TMEM163: variants seen among roughly 807,000 people sequenced by gnomAD.
TMEM163 encodes transmembrane protein 163.
In TMEM163, 17 loss-of-function variants were observed where a neutral mutation model predicts 29.3. The ratio of observed to expected loss-of-function variants is 0.58; its 90% confidence interval spans 0.40 to 0.87. The LOEUF (loss-of-function observed/expected upper bound fraction) is 0.87, where lower values mean the gene tolerates loss of function less well. Among genes scored for constraint, TMEM163 ranks in the 40% least tolerant of loss-of-function variants. TMEM163 has a pLI of 0.00. For synonymous variants in TMEM163, 157 were observed against 160.6 expected (o/e 0.98, Z 0.17); for missense variants, 303 against 381.5 (o/e 0.79, Z 1.71).
At chr2:134,510,023 AG>A (rs1679913434) in intron 4 of TMEM163, among the ~76,000 whole-genome samples, 1 of 152,208 alleles carries the variant, frequency 6.6e-6, no homozygotes, top group Non-Finnish European at 1.5e-5. Context: ...ATTTGGCCCC[AG>A]GGGAGCAGCA....
At chr2:134,686,747 C>T (rs1291854337) in intron 2 of TMEM163, among the ~76,000 whole-genome samples, 1 of 152,216 alleles carries the variant, frequency 6.6e-6, no homozygotes, top group Non-Finnish European at 1.5e-5. Flanking sequence ...TTTTACCCTA[C>T]TTGCAAGGTA....
intron 2 of TMEM163, among the ~76,000 whole-genome samples, chr2:134,644,697 T>C (rs997290965): frequency 1.6e-4 from 24 of 152,236 alleles, no homozygotes; most frequent in African/African-American, 5.8e-4. Flanking sequence ...TCCGTTGGGA[T>C]CTGAAGTTAG....
chr2:134,578,911 A>C (rs193072184), intron 2 of TMEM163, among the ~76,000 whole-genome samples: 1 of 152,148 alleles, frequency 6.6e-6, no homozygotes, highest in South Asian at 2.1e-4. Context: ...CCTCCACCCC[A>C]AATTCCCTAC....
At chr2:134,538,677 G>C (rs892184404) in intron 4 of TMEM163, among the ~76,000 whole-genome samples, 1 of 152,322 alleles carries the variant, frequency 6.6e-6, no homozygotes, top group Middle Eastern at 3.4e-3. Flanking sequence ...TGAAGCTGAC[G>C]ACACTATGCT....
chr2:134,554,447 A>G lies in TMEM163; in HGVS notation c.323-2356T>C, dbSNP rs865858026. Among the ~76,000 whole-genome samples, 437 of 147,930 alleles carry G rather than the reference A, an allele frequency of 3.0e-3. 2 individuals are homozygous for G. Among genetic ancestry groups the G allele is most frequent in the African/African-American group, 0.01 (401 of 39,274 alleles). On this transcript the variant is annotated intron_variant, in intron 2 of 7. Transcript: ENST00000281924. ...CAAAAAAAAAAAAAAAAAAAAAAAA[A>G]AGAGAGAGAGAGAAATGCTGCCACC...
chr2:134,644,677 A>T (rs763213935), intron 2 of TMEM163, among the ~76,000 whole-genome samples: 1 of 152,206 alleles, frequency 6.6e-6, no homozygotes, highest in East Asian at 1.9e-4. Context: ...TAGAAAAAAC[A>T]TAGGAGAAAT....
At chr2:134,718,591 C>G in intron 1 of TMEM163, 143 bp downstream of exon 1, 1 of 527,102 alleles carries the variant, frequency 1.9e-6, no homozygotes, top group Non-Finnish European at 2.6e-6. Context: ...TCTCGGCTAG[C>G]GGCGTTCTCG....
chr2:134,465,499 T>C (rs1258025730), intron 6 of TMEM163, among the ~76,000 whole-genome samples: 4 of 152,182 alleles, frequency 2.6e-5, no homozygotes, highest in Non-Finnish European at 5.9e-5. Flanking sequence ...ACATCAGTGA[T>C]ATCAGCGAGT....
At chr2:134,636,416 G>A (rs185523965) in intron 2 of TMEM163, among the ~76,000 whole-genome samples, 8 of 152,278 alleles carry the variant, frequency 5.3e-5, no homozygotes, top group Non-Finnish European at 7.4e-5. Flanking sequence ...AGTATCTTTC[G>A]TTCAATGTCA....
intron 4 of TMEM163, among the ~76,000 whole-genome samples, chr2:134,523,282 G>A (rs537631331): frequency 8.5e-4 from 130 of 152,172 alleles, no homozygotes; most frequent in Admixed American, 1.3e-3. Context: ...ACTGAACTGC[G>A]ACAACACCAC....
intron 2 of TMEM163, among the ~76,000 whole-genome samples, chr2:134,617,526 C>T (rs1202094394): frequency 1.3e-5 from 2 of 151,062 alleles, no homozygotes; most frequent in East Asian, 1.9e-4. Context: ...CACTTGAACT[C>T]GGGCAACAGA....
chr2:134,473,379 T>C (rs1237357988), intron 5 of TMEM163, among the ~76,000 whole-genome samples: 4 of 151,556 alleles, frequency 2.6e-5, no homozygotes, highest in Non-Finnish European at 5.9e-5. Context: ...CTACTAAAAA[T>C]ACAAAATTAG....
intron 2 of TMEM163, among the ~76,000 whole-genome samples, chr2:134,629,648 C>A (rs1375902226): frequency 6.6e-6 from 1 of 152,174 alleles, no homozygotes; most frequent in Non-Finnish European, 1.5e-5. Context: ...AATCTCTGCC[C>A]AAACTCTAGG....
intron 2 of TMEM163, among the ~76,000 whole-genome samples, chr2:134,647,442 CAG>C (rs1558976583): frequency 6.6e-6 from 1 of 152,198 alleles, no homozygotes; most frequent in Non-Finnish European, 1.5e-5. Context: ...AAATCACTGA[CAG>C]AGGATCTTCT....
At chr2:134,673,031 T>C (rs939406393) in intron 2 of TMEM163, among the ~76,000 whole-genome samples, 6 of 152,118 alleles carry the variant, frequency 3.9e-5, no homozygotes, top group African/African-American at 1.4e-4. Context: ...TCCAAAGGCA[T>C]CCCATCACCC....
At chr2:134,499,843 C>T (rs1210961982) in intron 5 of TMEM163, among the ~76,000 whole-genome samples, 1 of 152,186 alleles carries the variant, frequency 6.6e-6, no homozygotes, top group African/African-American at 2.4e-5. Flanking sequence ...GCCCTAAACA[C>T]TGGTCTCCCT....
chr2:134,470,813 G>A (rs866966208), intron 5 of TMEM163, among the ~76,000 whole-genome samples: 4 of 152,150 alleles, frequency 2.6e-5, no homozygotes, highest in Non-Finnish European at 4.4e-5. Flanking sequence ...CTCTCCACAC[G>A]GCTGCCATGT....
Position 134,687,624 on chromosome 2 carries a change from A to G in TMEM163, c.322+25576T>C, listed in dbSNP as rs756780606. ...TTCTTAAATGCCATTCAACTGTGCA[A>G]TGCATGATTCAGGTAACAGCTCAGT... On this transcript the variant is annotated intron_variant, in intron 2 of 7. Coordinates refer to ENST00000281924, the MANE Select transcript of TMEM163 (RefSeq NM_030923.5). 4.7e-4 allele frequency among the ~76,000 whole-genome samples: 72 copies of G among 152,198 alleles called. 1 individual carries two copies. Among genetic ancestry groups the G allele is most frequent in the Non-Finnish European group, 9.0e-4 (61 of 68,028 alleles).
At chr2:134,672,873 C>T (rs1684022951) in intron 2 of TMEM163, among the ~76,000 whole-genome samples, 1 of 152,182 alleles carries the variant, frequency 6.6e-6, no homozygotes, top group African/African-American at 2.4e-5. Context: ...AGTCCCAATG[C>T]TCTGCTCCCA....
Sources: gnomAD v4.1 joint callset for allele counts (sites outside exome capture counted in the v4.1 genomes callset) on GRCh38, gnomAD v4.1.1 for gene constraint, MANE v1.5 for transcripts, NCBI Gene and HGNC (gene_info 2026-07-23, HGNC 2026-07-21) for gene names.